Variants in ACOT7 observed in about 807,000 individuals in gnomAD.
ACOT7 encodes acyl-CoA thioesterase 7.
Under a neutral mutation model 40.2 loss-of-function variants are expected in ACOT7, and 12 were observed. That is an observed-to-expected ratio of 0.30 (90% CI 0.19 to 0.48). ACOT7 has a LOEUF of 0.48. Among genes scored for constraint, ACOT7 ranks in the 20% least tolerant of loss-of-function variants. The pLI is 0.99. For missense variants in ACOT7, 395 were observed against 530.8 expected (o/e 0.74, Z 2.51); for synonymous variants, 228 against 219.5 (o/e 1.04, Z -0.34).
At chr1:6,381,626 C>T (rs1276516151) in intron 1 of ACOT7, among the ~76,000 whole-genome samples, 1 of 151,770 alleles carries the variant, frequency 6.6e-6, no homozygotes, top group Non-Finnish European at 1.5e-5. Flanking sequence ...ACAGTATGGT[C>T]GTTTCTTTAA....
rs1031785598 is a variant in ACOT7 at position 6,380,781 on chromosome 1, G to A, written c.143+12476C>T. Among the ~76,000 whole-genome samples, 10 of 148,156 alleles carry A rather than the reference G, an allele frequency of 6.7e-5. 1 individual carries two copies. Among genetic ancestry groups the A allele is most frequent in the Non-Finnish European group, 1.2e-4 (8 of 67,260 alleles). On this transcript the variant is annotated intron_variant, in intron 1 of 8. Coordinates refer to ENST00000361521, the MANE Select transcript of ACOT7 (RefSeq NM_007274.4). ...AAAACCTAAAACTATAAAACTCTTA[G>A]AAGAAAACATAAGGCTAAAGCTTTA...
intron 2 of ACOT7, 62 bp downstream of exon 2, chr1:6,349,687 C>T: frequency 6.6e-7 from 1 of 1,515,464 alleles, no homozygotes. Flanking sequence ...CGGGGAACTC[C>T]TGTCCTGAAC....
chr1:6,306,607 G>A lies in ACOT7; in HGVS notation c.713-11627C>T. 2 of 985,428 alleles carry A rather than the reference G, an allele frequency of 2.0e-6. No individual in the cohort carries two copies. The highest frequency in any genetic ancestry group is 2.4e-6 in the Non-Finnish European group (2 of 829,910). 61.0% of individuals were successfully genotyped at this position (985,428 alleles called of 1,614,324 possible). A position where few individuals can be genotyped will look rare whatever the true frequency, so the allele number is the denominator to read the frequency against. ...CCAAGATCCTAGAAGGCGAGTACTA[G>A]AAGGAATTTAACTGCAGCCTGTGCC... On this transcript the variant is annotated intron_variant, in intron 6 of 8. Coordinates refer to ENST00000361521, the MANE Select transcript of ACOT7 (RefSeq NM_007274.4). This position sits in a 1 kb window ranked among gnomAD's most constrained non-coding sequence, Gnocchi z 4.3.
At position 6,352,083 on chromosome 1, in the gene ACOT7, C is replaced by G. The variant is rs1189499508; in HGVS notation, c.144-2217G>C. On this transcript the variant is annotated intron_variant, in intron 1 of 8. Coordinates refer to ENST00000361521, the MANE Select transcript of ACOT7 (RefSeq NM_007274.4). The surrounding 1 kb of genome is among the most constrained non-coding windows in gnomAD (Gnocchi z 4.5). ...CCTTGGGTCCTGCACCAAGGACCAT[C>G]CTAACTCCCCAACTGACCACCCAGG... The G allele has an allele frequency of 1.3e-5, 2 of 152,434 alleles. No individual in the cohort carries two copies. Among genetic ancestry groups the G allele is most frequent in the Non-Finnish European group, 2.9e-5 (2 of 68,232 alleles). The allele number at this position is 152,434 out of a possible 1,614,324, so 9.4% of individuals were successfully genotyped here.
At chr1:6,302,220 G>A (rs1164197695) in intron 6 of ACOT7, among the ~76,000 whole-genome samples, 2 of 152,164 alleles carry the variant, frequency 1.3e-5, no homozygotes, top group Non-Finnish European at 2.9e-5. Context: ...ACTGGCCAGG[G>A]CAGCAGGCAG....
chr1:6,349,522 T>C (rs1641527598), intron 2 of ACOT7, among the ~76,000 whole-genome samples: 1 of 152,224 alleles, frequency 6.6e-6, no homozygotes, highest in African/African-American at 2.4e-5. Context: ...GTCAGCTTGC[T>C]TGACGCTTCA....
In ACOT7 at chr1:6,330,116, G is replaced by A. The variant is rs1222034708; in HGVS notation, c.511-2703C>T. ...AAGATATCTACATGCATACGTATGTGACATCTCTATTTGTATGTGTATATA... is the reference window on the plus strand; with the variant it reads ...AAGATATCTACATGCATACGTATGTAACATCTCTATTTGTATGTGTATATA... On this transcript the variant is annotated intron_variant, in intron 4 of 8. Transcript: ENST00000361521. This position sits in a 1 kb window ranked among gnomAD's most constrained non-coding sequence, Gnocchi z 4.6. Among the ~76,000 whole-genome samples, 1 of 152,196 alleles carries A rather than the reference G, an allele frequency of 6.6e-6. No homozygotes were observed. Among genetic ancestry groups the A allele is most frequent in the Non-Finnish European group, 1.5e-5 (1 of 68,038 alleles).
Position 6,355,098 on chromosome 1 carries a change from T to G in ACOT7, c.144-5232A>C, listed in dbSNP as rs11805262. On this transcript the variant is annotated intron_variant, in intron 1 of 8. Transcript: ENST00000361521. The surrounding 1 kb of genome is among the most constrained non-coding windows in gnomAD (Gnocchi z 5.0). ...CGACCTGCACCTGCCAGAGCACTGC[T>G]GCTTAGCAGGCACGCCTGGCCCTTC... is the stretch of plus-strand genomic sequence containing the variant. Among the ~76,000 whole-genome samples, 168 of 152,288 alleles carry G rather than the reference T, an allele frequency of 1.1e-3. 1 individual carries two copies. The highest frequency in any genetic ancestry group is 3.8e-3 in the African/African-American group (158 of 41,574).
chr1:6,296,455 G>C (rs867398958), intron 6 of ACOT7, among the ~76,000 whole-genome samples: 1 of 148,430 alleles, frequency 6.7e-6, no homozygotes, highest in Non-Finnish European at 1.5e-5. Context: ...ACGGAGTCTC[G>C]CACTGTCGCC....
chr1:6,308,681 C>T (rs1447850352), intron 6 of ACOT7, among the ~76,000 whole-genome samples: 6 of 150,812 alleles, frequency 4.0e-5, no homozygotes, highest in South Asian at 2.1e-4. Flanking sequence ...GAGGGAACCA[C>T]GACCAGGCAG....
Position 6,265,387 on chromosome 1 carries a change from C to A in ACOT7, c.1015-692G>T, listed in dbSNP as rs117358066. Among the ~76,000 whole-genome samples, 3 of 152,220 alleles carry A rather than the reference C, an allele frequency of 2.0e-5. No individual in the cohort carries two copies. The East Asian group carries it at 5.8e-4, about 29-fold the overall frequency. ...GCCTATGGCCTTGAGAAGGCCCCGC[C>A]CCGTACTGGGAGCAATAGGCCTGCT... On this transcript the variant is annotated intron_variant, in intron 8 of 8. Coordinates refer to ENST00000361521, the MANE Select transcript of ACOT7 (RefSeq NM_007274.4).
At chr1:6,389,356 C>T (rs1244973164) in intron 1 of ACOT7, among the ~76,000 whole-genome samples, 1 of 152,128 alleles carries the variant, frequency 6.6e-6, no homozygotes, top group East Asian at 1.9e-4. Flanking sequence ...TGGGTGGTGT[C>T]CATGCCAAGG....
chr1:6,368,804 ACTGCTGCCACTG>A (rs987584399), intron 1 of ACOT7, among the ~76,000 whole-genome samples: 5 of 151,426 alleles, frequency 3.3e-5, no homozygotes, highest in East Asian at 3.9e-4. Context: ...CAGGGGACCC[ACTGCTGCCACTG>A]CTGCTGCCAC....
chr1:6,384,091 C>A (rs1642398402), intron 1 of ACOT7, among the ~76,000 whole-genome samples: 1 of 151,750 alleles, frequency 6.6e-6, no homozygotes, highest in Admixed American at 6.6e-5. Flanking sequence ...GGAAAATTTT[C>A]TTAATTAAAA....
Position 6,282,538 on chromosome 1 carries a change from G to A in ACOT7, c.830-1252C>T, listed in dbSNP as rs1227426760. 6.6e-6 allele frequency among the ~76,000 whole-genome samples: 1 copy of A among 152,160 alleles called. No homozygotes were observed. Among genetic ancestry groups the A allele is most frequent in the African/African-American group, 2.4e-5 (1 of 41,432 alleles). On this transcript the variant is annotated intron_variant, in intron 7 of 8. Coordinates refer to ENST00000361521, the MANE Select transcript of ACOT7 (RefSeq NM_007274.4). The surrounding 1 kb of genome is among the most constrained non-coding windows in gnomAD (Gnocchi z 4.5). ...CTGGCTTCGGGGACTTTTTAATGTGGCCTCTGGAACCCCCAGTGTCCTAGC... is the reference window on the plus strand; with the variant it reads ...CTGGCTTCGGGGACTTTTTAATGTGACCTCTGGAACCCCCAGTGTCCTAGC...
At chr1:6,353,982 G>T (rs1242743926) in intron 1 of ACOT7, among the ~76,000 whole-genome samples, 1 of 152,178 alleles carries the variant, frequency 6.6e-6, no homozygotes, top group African/African-American at 2.4e-5. Context: ...CAGTGACCCG[G>T]GCTGACTGCA....
chr1:6,287,511 G>A (rs1315921673), intron 7 of ACOT7, among the ~76,000 whole-genome samples: 1 of 152,266 alleles, frequency 6.6e-6, no homozygotes, highest in Non-Finnish European at 1.5e-5. Context: ...CTGGCATCAA[G>A]TGTGTCATAT....
In ACOT7 at chr1:6,336,904, G is replaced by A. The variant is rs539437379; in HGVS notation, c.418+2529C>T. ...CGAGACAGAGGGGGAGATGAGACTC[G>A]CAGTCACAGAGTGAGACAACAGCGG... On this transcript the variant is annotated intron_variant, in intron 3 of 8. Coordinates refer to ENST00000361521, the MANE Select transcript of ACOT7 (RefSeq NM_007274.4). 7.9e-5 allele frequency among the ~76,000 whole-genome samples: 12 copies of A among 152,290 alleles called. 1 individual carries two copies. In the South Asian group the frequency reaches 1.9e-3, roughly 24 times the overall value.
chr1:6,306,251 T>C lies in ACOT7; in HGVS notation c.713-11271A>G. 1 of 984,078 alleles carries C rather than the reference T, an allele frequency of 1.0e-6. No individual in the cohort carries two copies. The highest frequency in any genetic ancestry group is 1.2e-6 in the Non-Finnish European group (1 of 829,498). 61.0% of individuals were successfully genotyped at this position (984,078 alleles called of 1,614,324 possible). A position where few individuals can be genotyped will look rare whatever the true frequency, so the allele number is the denominator to read the frequency against. The stretch of plus-strand genomic sequence containing the variant: ...GAGAGGGAGAGGACGTTCTTACGGT[T>C]CATGGCAAGACCTCAACCAAATACT... On this transcript the variant is annotated intron_variant, in intron 6 of 8. Transcript: ENST00000361521. This position sits in a 1 kb window ranked among gnomAD's most constrained non-coding sequence, Gnocchi z 4.3.
Sources: gnomAD v4.1 joint callset for allele counts (sites outside exome capture counted in the v4.1 genomes callset) on GRCh38, gnomAD v4.1.1 for gene constraint, Gnocchi (gnomAD v3.1) non-coding constraint, MANE v1.5 for transcripts, NCBI Gene and HGNC (gene_info 2026-07-23, HGNC 2026-07-21) for gene names.